PCDH7: variants seen among roughly 807,000 people sequenced by gnomAD.
The protein encoded by PCDH7 is protocadherin 7, also known as protocadherin-7.
PCDH7 carries 17 observed loss-of-function variants against 58.9 expected under a neutral mutation model. The observed-to-expected ratio is 0.29, with a 90% CI of 0.20 to 0.43. The LOEUF (loss-of-function observed/expected upper bound fraction) is 0.43. PCDH7 is among the 20% of genes least tolerant of loss of function. PCDH7 has a pLI of 1.00. For synonymous variants in PCDH7, 664 were observed against 616.4 expected (o/e 1.08, Z -1.14); for missense variants, 1,274 against 1,441.0 (o/e 0.88, Z 1.88).
intron 1 of PCDH7, among the ~76,000 whole-genome samples, chr4:30,801,798 T>C (rs1444456432): frequency 2.0e-5 from 3 of 152,184 alleles, no homozygotes; most frequent in African/African-American, 7.2e-5. Flanking sequence ...GAGAAGTTAA[T>C]AGGAACAGGT....
chr4:31,114,632 A>ACACACACACAC (rs1716760705), intron 3 of PCDH7, among the ~76,000 whole-genome samples: 1 of 143,580 alleles, frequency 7.0e-6, no homozygotes, highest in South Asian at 2.3e-4. Context: ...CACACATACA[A>ACACACACACAC]ACACACACAC....
At chr4:31,037,640 G>C (rs1366108535) in intron 3 of PCDH7, among the ~76,000 whole-genome samples, 1 of 152,208 alleles carries the variant, frequency 6.6e-6, no homozygotes, top group Non-Finnish European at 1.5e-5. Flanking sequence ...ATGGCTGATA[G>C]TAGTTGGGAA....
intron 3 of PCDH7, among the ~76,000 whole-genome samples, chr4:31,001,403 C>G (rs1752353982): frequency 6.6e-6 from 1 of 151,966 alleles, no homozygotes; most frequent in African/African-American, 2.4e-5. Flanking sequence ...ATAAGATTAA[C>G]AAGAGCACAT....
At chr4:30,797,019 G>C (rs1424361597) in intron 1 of PCDH7, among the ~76,000 whole-genome samples, 3 of 151,812 alleles carry the variant, frequency 2.0e-5, no homozygotes, top group Admixed American at 1.3e-4. Flanking sequence ...GGAGTGCAGT[G>C]GTGCGATCTC....
chr4:30,779,959 T>G (rs150096349), intron 1 of PCDH7, among the ~76,000 whole-genome samples: 2,451 of 152,302 alleles, frequency 0.016, 61 homozygotes, highest in African/African-American at 0.055. Flanking sequence ...CAGCCAATAC[T>G]GCTTTTGTTT....
intron 1 of PCDH7, among the ~76,000 whole-genome samples, chr4:30,901,488 G>A (rs763353682): frequency 7.9e-5 from 12 of 152,116 alleles, no homozygotes; most frequent in Non-Finnish European, 1.5e-4. Flanking sequence ...ATGTTAGGAT[G>A]TGGTTCAGAC....
chr4:31,077,839 G>A (rs28589664), intron 3 of PCDH7, among the ~76,000 whole-genome samples: 3,984 of 152,218 alleles, frequency 0.026, 183 homozygotes, highest in African/African-American at 0.091. Context: ...TAGAAGGCAC[G>A]AGGTCCACTG....
At chr4:30,832,980 C>A (rs1729993051) in intron 1 of PCDH7, among the ~76,000 whole-genome samples, 1 of 152,092 alleles carries the variant, frequency 6.6e-6, no homozygotes, top group African/African-American at 2.4e-5. Context: ...AAGGTGGAAG[C>A]CTGTTTGGAA....
intron 3 of PCDH7, among the ~76,000 whole-genome samples, chr4:31,104,628 G>T (rs1266263521): frequency 6.6e-6 from 1 of 152,180 alleles, no homozygotes; most frequent in East Asian, 1.9e-4. Flanking sequence ...GATTTAATTT[G>T]CAGGACTGTG....
At chr4:31,102,543 C>T (rs1000273368) in intron 3 of PCDH7, among the ~76,000 whole-genome samples, 11 of 151,800 alleles carry the variant, frequency 7.2e-5, no homozygotes, top group Middle Eastern at 3.4e-3. Context: ...GCCAACATGG[C>T]GAAACTCTGT....
At chr4:30,896,479 A>G (rs181645023) in intron 1 of PCDH7, among the ~76,000 whole-genome samples, 217 of 152,268 alleles carry the variant, frequency 1.4e-3, no homozygotes, top group Non-Finnish European at 2.3e-3. Flanking sequence ...AAAGTTATAA[A>G]GTATCTTATA....
rs118129957 is a variant in PCDH7, at chr4:30,966,750, G to A, written c.*7+16535G>A. On this transcript the variant is annotated intron_variant, in intron 3 of 3. Transcript: ENST00000509759. The stretch of plus-strand genomic sequence containing the variant: ...GAGACTTGGCCTTGTTGCAAATAGG[G>A]AACAAAACTCTCCTCAGACCATGCA... 2.4e-3 allele frequency among the ~76,000 whole-genome samples: 364 copies of A among 152,122 alleles called. 1 individual carries two copies. Among genetic ancestry groups the A allele is most frequent in the South Asian group, 0.011 (52 of 4,818 alleles).
rs113626390 is a variant in PCDH7, at chr4:30,746,483, T to C, written c.70+21887T>C. 5.1e-3 allele frequency among the ~76,000 whole-genome samples: 771 copies of C among 152,338 alleles called. 6 individuals are homozygous for C. The highest frequency in any genetic ancestry group is 0.017 in the African/African-American group (721 of 41,584). On this transcript the variant is annotated intron_variant, in intron 1 of 3. Transcript: ENST00000509759. The stretch of plus-strand genomic sequence containing the variant: ...GCCTTAGTTACAGTCCTTGCCTTAA[T>C]ATTTTGGCATCTAATCTTCCTAGTG...
chr4:30,917,364 A>C (rs1742610880), intron 1 of PCDH7, among the ~76,000 whole-genome samples: 2 of 152,180 alleles, frequency 1.3e-5, no homozygotes, highest in African/African-American at 4.8e-5. Flanking sequence ...TTTATTATTC[A>C]AAACTGTCAA....
At chr4:30,938,147 G>A (rs921735267) in intron 2 of PCDH7, among the ~76,000 whole-genome samples, 5 of 152,084 alleles carry the variant, frequency 3.3e-5, no homozygotes, top group African/African-American at 1.2e-4. Flanking sequence ...ATGCCTCTGA[G>A]CTCTTTTCAT....
At chr4:30,802,343 T>A (rs907162669) in intron 1 of PCDH7, among the ~76,000 whole-genome samples, 1 of 152,076 alleles carries the variant, frequency 6.6e-6, no homozygotes, top group African/African-American at 2.4e-5. Flanking sequence ...TTTAAGTAAA[T>A]TCTTTGCCAA....
chr4:30,784,641 T>A (rs944966893), intron 1 of PCDH7, among the ~76,000 whole-genome samples: 3 of 152,122 alleles, frequency 2.0e-5, no homozygotes, highest in Non-Finnish European at 2.9e-5. Flanking sequence ...GTTTTTCCTA[T>A]CTATTCATTT....
intron 3 of PCDH7, among the ~76,000 whole-genome samples, chr4:30,978,218 T>A (rs1440813664): frequency 5.3e-5 from 8 of 152,220 alleles, no homozygotes; most frequent in Admixed American, 5.2e-4. Flanking sequence ...ATATCCAGGA[T>A]AAATGATTTT....
At chr4:30,854,456 G>GT (rs1262924823) in intron 1 of PCDH7, among the ~76,000 whole-genome samples, 1 of 151,304 alleles carries the variant, frequency 6.6e-6, no homozygotes, top group Admixed American at 6.6e-5. Context: ...TTTGTTTTGG[G>GT]TTTTTTGTGG....
Sources: gnomAD v4.1 joint callset for allele counts (sites outside exome capture counted in the v4.1 genomes callset) on GRCh38, gnomAD v4.1.1 for gene constraint, MANE v1.5 for transcripts, NCBI Gene and HGNC (gene_info 2026-07-23, HGNC 2026-07-21) for gene names.